Variants in DCC observed in about 807,000 individuals in gnomAD.
The protein encoded by DCC is netrin receptor DCC.
DCC carries 58 observed loss-of-function variants against 172.5 expected under a neutral mutation model. The ratio of observed to expected loss-of-function variants is 0.34; its 90% CI spans 0.27 to 0.42. The LOEUF is 0.42. Among genes scored for constraint, DCC ranks in the 10% least tolerant of loss-of-function variants. DCC has a pLI of 1.00. For missense variants in DCC, 1,740 were observed against 1,791.0 expected (o/e 0.97, Z 0.51); for synonymous variants, 709 against 644.5 (o/e 1.10, Z -1.52).
intron 1 of DCC, among the ~76,000 whole-genome samples, chr18:52,392,258 G>C (rs957282392): frequency 6.6e-6 from 1 of 152,058 alleles, no homozygotes; most frequent in Non-Finnish European, 1.5e-5. Flanking sequence ...CTGAAATATG[G>C]TATTTTTCAG....
chr18:53,381,796 TA>T (rs955304599), intron 15 of DCC, among the ~76,000 whole-genome samples: 1 of 152,156 alleles, frequency 6.6e-6, no homozygotes, highest in African/African-American at 2.4e-5. Flanking sequence ...TTATTGTATT[TA>T]TTGTATTTTC....
At chr18:52,986,425 C>A (rs1229376215) in intron 5 of DCC, among the ~76,000 whole-genome samples, 2 of 152,098 alleles carry the variant, frequency 1.3e-5, no homozygotes, top group East Asian at 3.9e-4. Flanking sequence ...TACTTTAAAT[C>A]TCTGAGTCTT....
chr18:53,256,586 C>G (rs1366806303), intron 12 of DCC, among the ~76,000 whole-genome samples: 1 of 152,084 alleles, frequency 6.6e-6, no homozygotes, highest in African/African-American at 2.4e-5. Flanking sequence ...TGTTTTGGTA[C>G]CAGTACCATG....
At chr18:52,989,871 A>G (rs1038175936) in intron 5 of DCC, among the ~76,000 whole-genome samples, 1 of 152,174 alleles carries the variant, frequency 6.6e-6, no homozygotes, top group Non-Finnish European at 1.5e-5. Flanking sequence ...GATGGGGGCT[A>G]TGGCTACAGC....
chr18:52,468,800 C>T (rs1988862117), intron 1 of DCC, among the ~76,000 whole-genome samples: 2 of 152,174 alleles, frequency 1.3e-5, no homozygotes, highest in East Asian at 3.9e-4. Context: ...AGAGATGTTG[C>T]AACACTAAAT....
At chr18:52,836,071 A>G (rs1200657982) in intron 2 of DCC, among the ~76,000 whole-genome samples, 1 of 152,194 alleles carries the variant, frequency 6.6e-6, no homozygotes, top group African/African-American at 2.4e-5. Context: ...GAGGCTAATG[A>G]GTGCCCAGTG....
intron 15 of DCC, among the ~76,000 whole-genome samples, chr18:53,380,628 G>A (rs953785015): frequency 1.3e-5 from 2 of 152,194 alleles, no homozygotes; most frequent in Admixed American, 1.3e-4. Flanking sequence ...ATAAAAGAAA[G>A]CTCCTGGAAA....
chr18:53,205,364 G>T lies in DCC; in HGVS notation c.1722G>T (p.Gln574His). ...FCTEVSTGKE[Q>H]NIEVDGLSYK... ...CTGAGGTGTCCACAGGAAAAGAACAGGTAGGTGAAGGAATGGACCACACTG... is the reference window on the plus strand; with the variant it reads ...CTGAGGTGTCCACAGGAAAAGAACATGTAGGTGAAGGAATGGACCACACTG... The change falls in exon 10 of 29, where the codon CAG becomes CAT. Residue 574 changes from glutamine (Q) to histidine (H), a missense_variant and splice_region_variant. By Grantham distance (24) the Gln-to-His change is conservative (BLOSUM62 0). Transcript: ENST00000442544. 1.2e-6 allele frequency: 2 copies of T among 1,613,732 alleles called. No homozygotes were observed. The highest frequency in any genetic ancestry group is 1.7e-6 in the Non-Finnish European group (2 of 1,179,734).
chr18:53,097,205 T>A (rs972404118), intron 7 of DCC, among the ~76,000 whole-genome samples: 1 of 152,188 alleles, frequency 6.6e-6, no homozygotes, highest in African/African-American at 2.4e-5. Context: ...CATTCATATA[T>A]CTTCTGTTTT....
intron 1 of DCC, among the ~76,000 whole-genome samples, chr18:52,627,970 T>C (rs555225332): frequency 1.3e-5 from 2 of 152,320 alleles, no homozygotes; most frequent in Admixed American, 6.5e-5. Context: ...AGCCCTCTCT[T>C]TTTCTTTCAG....
chr18:52,456,157 A>C (rs1019245245), intron 1 of DCC, among the ~76,000 whole-genome samples: 1 of 152,298 alleles, frequency 6.6e-6, no homozygotes, highest in Admixed American at 6.5e-5. Context: ...AATATATTGT[A>C]GGTGTCCATT....
chr18:52,728,734 T>C (rs376124875), intron 1 of DCC, among the ~76,000 whole-genome samples: 2 of 152,308 alleles, frequency 1.3e-5, no homozygotes, highest in East Asian at 3.9e-4. Flanking sequence ...AACATATCAG[T>C]TATGAAAGAG....
chr18:52,366,150 G>T (rs1984841115), intron 1 of DCC, among the ~76,000 whole-genome samples: 1 of 152,150 alleles, frequency 6.6e-6, no homozygotes, highest in Non-Finnish European at 1.5e-5. Flanking sequence ...GCTGACTCCT[G>T]ACTTTCCTCC....
chr18:53,391,877 C>G lies in DCC; in HGVS notation c.2678C>G (p.Ala893Gly). ...TGGAGAACCAGCTTTTCTGCAAGTG[C>G]AAAATACAAGGTGAAGTTCTAATTG... ...VRWRTSFSASAKYKSEDTTSL... is the reference protein window; with the variant it reads ...VRWRTSFSASGKYKSEDTTSL... The change falls in exon 17 of 29, where the codon GCA becomes GGA. Residue 893 changes from alanine (A) to glycine (G), a missense_variant. Physicochemically the swap from Ala to Gly is moderately conservative, Grantham distance 60 (BLOSUM62 0). This residue lies in a region of DCC where 1,732 missense variants were observed against 1,767.4 expected (regional missense o/e 0.98). Coordinates refer to ENST00000442544, the MANE Select transcript of DCC (RefSeq NM_005215.4). 6.4e-7 allele frequency: 1 copy of G among 1,574,108 alleles called. No homozygotes were observed. Among genetic ancestry groups the G allele is most frequent in the Admixed American group, 1.7e-5 (1 of 59,974 alleles).
chr18:53,473,723 T>C (rs73462908), intron 25 of DCC, among the ~76,000 whole-genome samples: 6,220 of 152,304 alleles, frequency 0.041, 374 homozygotes, highest in East Asian at 0.13. Flanking sequence ...CCTGGGCAAC[T>C]TCAGAACCTC....
intron 16 of DCC, among the ~76,000 whole-genome samples, chr18:53,388,368 T>A (rs190617467): frequency 6.6e-6 from 1 of 152,346 alleles, no homozygotes; most frequent in African/African-American, 2.4e-5. Context: ...GCATCCTCTA[T>A]CTCTAAGCTT....
At chr18:52,916,083 G>A (rs1344448108) in intron 3 of DCC, among the ~76,000 whole-genome samples, 1 of 152,042 alleles carries the variant, frequency 6.6e-6, no homozygotes, top group Non-Finnish European at 1.5e-5. Context: ...GATCCTTAAA[G>A]TACACATCTT....
chr18:52,929,579 A>G (rs959781805), intron 5 of DCC, among the ~76,000 whole-genome samples: 6 of 152,208 alleles, frequency 3.9e-5, no homozygotes, highest in Admixed American at 6.5e-5. Context: ...CATACTTCGA[A>G]TCTGTAGACA....
chr18:53,468,363 T>TTTTA (rs367611587), intron 25 of DCC, among the ~76,000 whole-genome samples: 36 of 54,738 alleles, frequency 6.6e-4, no homozygotes, highest in African/African-American at 1.4e-3. Context: ...TATTTATTTA[T>TTTTA]TTTATTTATT....
Sources: gnomAD v4.1 joint callset for allele counts (sites outside exome capture counted in the v4.1 genomes callset) on GRCh38, gnomAD v4.1.1 for gene constraint, gnomAD v4.1.1 regional missense constraint, MANE v1.5 for transcripts, NCBI Gene and HGNC (gene_info 2026-07-23, HGNC 2026-07-21) for gene names.